XYLT1: variants seen among roughly 807,000 people sequenced by gnomAD.
XYLT1 encodes the protein xylosyltransferase 1.
A neutral mutation model predicts 91.3 loss-of-function variants in XYLT1; 36 were observed. The ratio of observed to expected loss-of-function variants is 0.39; its 90% CI spans 0.30 to 0.52. The LOEUF is 0.52. XYLT1 is among the 20% of genes least tolerant of loss of function. XYLT1 has a pLI of 0.68. For synonymous variants in XYLT1, 588 were observed against 532.0 expected (o/e 1.11, Z -1.45); for missense variants, 1,242 against 1,284.5 (o/e 0.97, Z 0.51).
intron 2 of XYLT1, among the ~76,000 whole-genome samples, chr16:17,347,015 G>T (rs1185587724): frequency 6.6e-6 from 1 of 152,276 alleles, no homozygotes; most frequent in South Asian, 2.1e-4. Flanking sequence ...ATCACATTGA[G>T]GGGGGAGCCG....
In XYLT1 at chr16:17,102,467, T is replaced by G. The variant is rs1966717300; in HGVS notation, c.*6228A>C. ...CTGTTTTCTGCAAAAAATGTTGCTT[T>G]GTCAGACAGAAACAAACTCCCCTAG... On this transcript the variant is annotated 3_prime_UTR_variant, in exon 12 of 12. Transcript: ENST00000261381. 1.3e-5 allele frequency: 2 copies of G among 152,652 alleles called. No homozygotes were observed. Among genetic ancestry groups the G allele is most frequent in the Admixed American group, 1.3e-4 (2 of 15,286 alleles). The allele number at this position is 152,652 out of a possible 1,614,324, so 9.5% of individuals were successfully genotyped here.
chr16:17,371,058 G>A (rs1003374848), intron 1 of XYLT1, among the ~76,000 whole-genome samples: 1 of 152,144 alleles, frequency 6.6e-6, no homozygotes, highest in Non-Finnish European at 1.5e-5. Flanking sequence ...AGAGAAGGAC[G>A]GGATATGAAC....
At chr16:17,395,275 T>C (rs986605428) in intron 1 of XYLT1, among the ~76,000 whole-genome samples, 2 of 152,084 alleles carry the variant, frequency 1.3e-5, no homozygotes, top group Non-Finnish European at 2.9e-5. Context: ...CTTTGGCACA[T>C]GGAGATTACA....
At chr16:17,148,131 C>T (rs1329198594) in intron 6 of XYLT1, among the ~76,000 whole-genome samples, 1 of 152,206 alleles carries the variant, frequency 6.6e-6, no homozygotes, top group Non-Finnish European at 1.5e-5. Flanking sequence ...AAGATAAGCC[C>T]CATGACACCT....
At chr16:17,431,699 T>C (rs1413125639) in intron 1 of XYLT1, among the ~76,000 whole-genome samples, 1 of 152,210 alleles carries the variant, frequency 6.6e-6, no homozygotes, top group Non-Finnish European at 1.5e-5. Context: ...CATATAGCGA[T>C]CAATGCAGGT....
intron 2 of XYLT1, among the ~76,000 whole-genome samples, chr16:17,329,858 CCA>C (rs1383823771): frequency 2.0e-5 from 3 of 152,138 alleles, no homozygotes; most frequent in Non-Finnish European, 4.4e-5. Flanking sequence ...AGGTACCTGA[CCA>C]CACAGTCTGG....
chr16:17,133,271 C>T (rs185819687), intron 9 of XYLT1, among the ~76,000 whole-genome samples: 123 of 152,024 alleles, frequency 8.1e-4, no homozygotes, highest in Middle Eastern at 3.4e-3. Flanking sequence ...CAATCTTCTT[C>T]CCCCCAGCCC....
intron 5 of XYLT1, among the ~76,000 whole-genome samples, chr16:17,187,507 G>A (rs1197634383): frequency 7.3e-6 from 1 of 136,314 alleles, no homozygotes; most frequent in Non-Finnish European, 1.5e-5. Flanking sequence ...GCAAAGGTTA[G>A]AGTGAGCCAA....
intron 1 of XYLT1, among the ~76,000 whole-genome samples, chr16:17,446,955 G>C (rs974941806): frequency 3.3e-5 from 5 of 152,072 alleles, no homozygotes; most frequent in Non-Finnish European, 7.4e-5. Flanking sequence ...CTCAAGGGAA[G>C]AGGACGCTCT....
intron 2 of XYLT1, among the ~76,000 whole-genome samples, chr16:17,343,387 T>TG (rs2035093170): frequency 6.6e-6 from 1 of 152,212 alleles, no homozygotes. Context: ...TAGGTGGGCT[T>TG]GGGGTCTCCA....
Position 17,134,376 on chromosome 16 carries a change from T to G in XYLT1, c.2027+97A>C, listed in dbSNP as rs2030621830. ...GAGAAAGCATAGGGTGGCATTGCAT[T>G]GCAGATCCCTAAAGAGGAAGAAGGA... On this transcript the variant is annotated intron_variant, in intron 9 of 11. Coordinates refer to ENST00000261381, the MANE Select transcript of XYLT1 (RefSeq NM_022166.4). 29 of 1,491,694 alleles carry G rather than the reference T, an allele frequency of 1.9e-5. 2 individuals are homozygous for G. In the South Asian group the frequency reaches 3.4e-4, roughly 18 times the overall value. The allele number at this position is 1,491,694 out of a possible 1,614,324, so 92.4% of individuals were successfully genotyped here.
At chr16:17,378,292 G>A (rs978133301) in intron 1 of XYLT1, among the ~76,000 whole-genome samples, 2 of 151,576 alleles carry the variant, frequency 1.3e-5, no homozygotes, top group African/African-American at 4.9e-5. Context: ...GTATTTATTT[G>A]TTCCAAGACT....
intron 5 of XYLT1, among the ~76,000 whole-genome samples, chr16:17,195,599 C>T (rs1298890116): frequency 6.6e-6 from 1 of 152,114 alleles, no homozygotes; most frequent in African/African-American, 2.4e-5. Context: ...GCACGCACCA[C>T]CATGCCCGGC....
Position 17,258,970 on chromosome 16 carries a change from A to T in XYLT1, c.913+18T>A. 1 of 1,489,966 alleles carries T rather than the reference A, an allele frequency of 6.7e-7. No homozygotes were observed. Among genetic ancestry groups the T allele is most frequent in the African/African-American group, 1.4e-5 (1 of 71,444 alleles). 92.3% of individuals were successfully genotyped at this position (1,489,966 alleles called of 1,614,324 possible). On this transcript the variant is annotated intron_variant, in intron 3 of 11. Transcript: ENST00000261381. ...TGGCCAGGAGATCCCTCTCTGAGCC[A>T]GCGGGGTTGGAACTTACCCTCGAGG...
Position 17,283,053 on chromosome 16 carries a change from C to A in XYLT1, c.403-23555G>T, listed in dbSNP as rs577519822. 1.3e-5 allele frequency among the ~76,000 whole-genome samples: 2 copies of A among 151,916 alleles called. 1 individual carries two copies. The highest frequency in any genetic ancestry group is 2.9e-5 in the Non-Finnish European group (2 of 67,972). On this transcript the variant is annotated intron_variant, in intron 2 of 11. Coordinates refer to ENST00000261381, the MANE Select transcript of XYLT1 (RefSeq NM_022166.4). ...AAACTTCACATATTGCATGCATAGACCCACATTTCCAGAACGCCTAAGAAA... is the reference window on the plus strand; with the variant it reads ...AAACTTCACATATTGCATGCATAGAACCACATTTCCAGAACGCCTAAGAAA...
chr16:17,395,372 G>A (rs2035871208), intron 1 of XYLT1, among the ~76,000 whole-genome samples: 1 of 152,034 alleles, frequency 6.6e-6, no homozygotes, highest in Non-Finnish European at 1.5e-5. Flanking sequence ...AAAAATGGAA[G>A]GGTGGTGCAT....
chr16:17,183,855 G>A (rs1042322221), intron 5 of XYLT1, among the ~76,000 whole-genome samples: 1 of 152,160 alleles, frequency 6.6e-6, no homozygotes, highest in East Asian at 1.9e-4. Context: ...GTCCGTCTGT[G>A]TGCCTAATGA....
At chr16:17,394,676 C>T (rs545276444) in intron 1 of XYLT1, among the ~76,000 whole-genome samples, 8 of 152,188 alleles carry the variant, frequency 5.3e-5, no homozygotes, top group African/African-American at 1.7e-4. Flanking sequence ...GGAGCTAGAC[C>T]GCCTGGGTTT....
intron 7 of XYLT1, among the ~76,000 whole-genome samples, chr16:17,139,863 C>T (rs994101214): frequency 1.3e-5 from 2 of 152,232 alleles, no homozygotes; most frequent in African/African-American, 4.8e-5. Context: ...ATGACAAGCT[C>T]ATCATCCCTC....
Sources: allele counts gnomAD v4.1 joint callset (sites outside exome capture counted in the v4.1 genomes callset), GRCh38; gene constraint gnomAD v4.1.1; transcripts MANE v1.5; gene names NCBI Gene and HGNC (gene_info 2026-07-23, HGNC 2026-07-21).